MAP3K21: variants seen among roughly 807,000 people sequenced by gnomAD.
MAP3K21 encodes mitogen-activated protein kinase kinase kinase 21, also known as mitogen-activated protein kinase kinase kinase MLK4.
In MAP3K21, 63 loss-of-function variants were observed where a neutral mutation model predicts 86.1. The ratio of observed to expected loss-of-function variants is 0.73; its 90% confidence interval spans 0.60 to 0.90. MAP3K21 has a LOEUF of 0.90. MAP3K21 is among the 40% of genes least tolerant of loss of function. MAP3K21 has a pLI of 0.00. For missense variants in MAP3K21, 1,220 were observed against 1,367.7 expected, an observed-to-expected ratio of 0.89 and a Z score of 1.70; for synonymous variants, 558 against 564.8, an observed-to-expected ratio of 0.99 and a Z score of 0.17.
chr1:233,377,914 T>A (rs1191269777), intron 8 of MAP3K21, among the ~76,000 whole-genome samples: 1 of 152,148 alleles, frequency 6.6e-6, no homozygotes, highest in Admixed American at 6.6e-5. Flanking sequence ...TATGTGCAGT[T>A]CACAATGGGG....
intron 6 of MAP3K21, among the ~76,000 whole-genome samples, chr1:233,374,832 A>G (rs1175765661): frequency 6.6e-6 from 1 of 151,604 alleles, no homozygotes; most frequent in Admixed American, 6.6e-5. Context: ...GTCACAGAGT[A>G]TTCCATTGTA....
Position 233,327,961 on chromosome 1 carries a change from G to A in MAP3K21, c.-68G>A, listed in dbSNP as rs1662724169. 3.3e-6 allele frequency: 4 copies of A among 1,204,712 alleles called. No individual in the cohort carries two copies. The highest frequency in any genetic ancestry group is 3.1e-6 in the Non-Finnish European group (3 of 964,758). The allele number at this position is 1,204,712 out of a possible 1,614,324, so 74.6% of individuals were successfully genotyped here. ...GCCGACGGCCACACCGCCGGACGAT[G>A]CGCGCCCGCGGCCGCCCGGGAGGCT... is the stretch of plus-strand genomic sequence containing the variant. On this transcript the variant is annotated 5_prime_UTR_variant, in exon 1 of 10. An upstream start codon of the reference 5' UTR is lost. Coordinates refer to ENST00000366624, the MANE Select transcript of MAP3K21 (RefSeq NM_032435.3).
intron 1 of MAP3K21, among the ~76,000 whole-genome samples, chr1:233,329,478 A>T (rs1213769814): frequency 6.6e-6 from 1 of 152,052 alleles, no homozygotes; most frequent in Non-Finnish European, 1.5e-5. Context: ...ACATGGCGAA[A>T]CCCTGTCGCT....
intron 1 of MAP3K21, 103 bp from the exon 2 acceptor site, chr1:233,346,339 A>T (rs1044241480): frequency 2.3e-6 from 2 of 864,580 alleles, no homozygotes; most frequent in Admixed American, 5.3e-5. Flanking sequence ...ATTCTTGTTT[A>T]TTCTGCCAAC....
rs79579454 is a variant in MAP3K21 at position 233,343,188 on chromosome 1, T to C, written c.806-3254T>C. Among the ~76,000 whole-genome samples the C allele has an allele frequency of 2.2e-4, 33 of 152,310 alleles. No homozygotes were observed. The East Asian group carries it at 6.2e-3, about 28-fold the overall frequency. On this transcript the variant is annotated intron_variant, in intron 1 of 9. Transcript: ENST00000366624. ...GTAATACAATCAAAATGCACATCCATTGTGAAATCTCAAGCCTTGAAAAAG... is the reference window on the plus strand; with the variant it reads ...GTAATACAATCAAAATGCACATCCACTGTGAAATCTCAAGCCTTGAAAAAG...
intron 2 of MAP3K21, among the ~76,000 whole-genome samples, chr1:233,347,376 C>T (rs1233238931): frequency 6.6e-6 from 1 of 152,164 alleles, no homozygotes; most frequent in African/African-American, 2.4e-5. Context: ...GTTATTTTGA[C>T]TTTCCATTCA....
intron 6 of MAP3K21, chr1:233,373,000 G>T (rs1443903191): frequency 1.3e-5 from 2 of 151,968 alleles, no homozygotes; most frequent in Non-Finnish European, 2.9e-5. Flanking sequence ...GGCTTGCATG[G>T]AATCTCATTT....
intron 1 of MAP3K21, among the ~76,000 whole-genome samples, chr1:233,340,505 T>C (rs762188778): frequency 2.0e-4 from 31 of 151,922 alleles, no homozygotes; most frequent in South Asian, 2.1e-4. Context: ...TAGAATGAGA[T>C]TGAGAAGGGA....
chr1:233,366,182 G>T (rs1429511370), intron 5 of MAP3K21, among the ~76,000 whole-genome samples: 1 of 152,094 alleles, frequency 6.6e-6, no homozygotes, highest in African/African-American at 2.4e-5. Context: ...TGGTTATTGG[G>T]GTGGGAAGGG....
intron 1 of MAP3K21, among the ~76,000 whole-genome samples, chr1:233,339,342 C>T (rs1424557594): frequency 3.5e-5 from 4 of 113,366 alleles, no homozygotes; most frequent in Admixed American, 1.1e-4. Context: ...TCTTCTTCTC[C>T]CTCTTCTCCC....
chr1:233,362,157 C>T lies in MAP3K21; in HGVS notation c.1416C>T (p.Ile472=), dbSNP rs868206423. 2 of 1,614,170 alleles carry T rather than the reference C, an allele frequency of 1.2e-6. No homozygotes were observed. The highest frequency in any genetic ancestry group is 1.7e-6 in the Non-Finnish European group (2 of 1,180,036). Residue 472 remains isoleucine (I), a synonymous_variant, in exon 5 of 10, where the codon ATC becomes ATT. Coordinates refer to ENST00000366624, the MANE Select transcript of MAP3K21 (RefSeq NM_032435.3). ...RREQQLAERE[I]DVLERELNIL... ...AGCAGCAGCTGGCAGAGCGCGAGAT[C>T]GACGTGCTGGAGCGGGAACTTAACA...
chr1:233,338,447 G>A (rs530639701), intron 1 of MAP3K21, among the ~76,000 whole-genome samples: 1 of 152,180 alleles, frequency 6.6e-6, no homozygotes, highest in Admixed American at 6.5e-5. Context: ...TAAATAATGT[G>A]TAGTATCTTG....
chr1:233,370,686 G>A (rs529510608), intron 5 of MAP3K21, among the ~76,000 whole-genome samples: 4 of 152,244 alleles, frequency 2.6e-5, no homozygotes, highest in Non-Finnish European at 4.4e-5. Context: ...CTCATTAATC[G>A]TTGAGGAATC....
chr1:233,328,679 CGCCCCGGACCCGCGCGCGCCCG>C lies in MAP3K21; in HGVS notation c.657_678del (p.Asp220AlafsTer18). On this transcript the variant is annotated frameshift_variant, in exon 1 of 10. Coordinates refer to ENST00000366624, the MANE Select transcript of MAP3K21 (RefSeq NM_032435.3). LOFTEE classifies it high-confidence loss of function. The surrounding 1 kb of genome is among the most constrained non-coding windows in gnomAD (Gnocchi z 8.7). ...ACCGAGCGCTGGCCGCTGCCAACGC[CGCCCCGGACCCGCGCGCGCCCG>C]GCCCCCGCCGCGCGCGCCGCATCCC... 1 of 1,321,026 alleles carries C rather than the reference CGCCCCGGACCCGCGCGCGCCCG, an allele frequency of 7.6e-7. No individual in the cohort carries two copies. Among genetic ancestry groups the C allele is most frequent in the Non-Finnish European group, 9.6e-7 (1 of 1,037,718 alleles). The allele number at this position is 1,321,026 out of a possible 1,614,324, so 81.8% of individuals were successfully genotyped here.
At position 233,382,581 on chromosome 1, in the gene MAP3K21, C is replaced by A; in HGVS notation, c.2981C>A (p.Ser994Tyr). 6 of 1,614,194 alleles carry A rather than the reference C, an allele frequency of 3.7e-6. No homozygotes were observed. Among genetic ancestry groups the A allele is most frequent in the Non-Finnish European group, 5.1e-6 (6 of 1,180,024 alleles). The change falls in exon 10 of 10, where the codon TCC becomes TAC. Residue 994 changes from serine (S) to tyrosine (Y), a missense_variant. By Grantham distance (144) the Ser-to-Tyr change is moderately radical (BLOSUM62 -2). Coordinates refer to ENST00000366624, the MANE Select transcript of MAP3K21 (RefSeq NM_032435.3). ...CTCGCTGCCAAGGAGAGAACTAAAT[C>A]CCATGTGCCTTCATTACTGGATGCT... ...QFLAAKERTKSHVPSLLDADV... is the reference protein window; with the variant it reads ...QFLAAKERTKYHVPSLLDADV...
At chr1:233,354,350 T>C (rs1663306176) in intron 3 of MAP3K21, among the ~76,000 whole-genome samples, 10 of 152,230 alleles carry the variant, frequency 6.6e-5, no homozygotes. Flanking sequence ...GTCTATTTTA[T>C]CCTTATCTTT....
Position 233,379,059 on chromosome 1 carries a change from G to A in MAP3K21, c.2053G>A (p.Glu685Lys), listed in dbSNP as rs41314276. 2 of 1,614,244 alleles carry A rather than the reference G, an allele frequency of 1.2e-6. No individual in the cohort carries two copies. Among genetic ancestry groups the A allele is most frequent in the Non-Finnish European group, 1.7e-6 (2 of 1,180,046 alleles). The change falls in exon 9 of 10, where the codon GAA becomes AAA. Residue 685 changes from glutamate to lysine, a missense_variant. Around this residue, in one of 5 missense-constraint regions of MAP3K21, gnomAD observed 632 missense variants for 691.3 expected, o/e 0.91. Transcript: ENST00000366624. ...AGATGCTCAGAGAGAGAATCCTGCA[G>A]AAGCTGAAAGCTGGGAGGAGGCAGC... ...GKDAQRENPAEAESWEEAASA... is the reference protein window; with the variant it reads ...GKDAQRENPAKAESWEEAASA...
chr1:233,355,245 AG>A (rs1663331015), intron 4 of MAP3K21, among the ~76,000 whole-genome samples: 2 of 152,174 alleles, frequency 1.3e-5, no homozygotes, highest in African/African-American at 2.4e-5. Context: ...AAAAAGAGAG[AG>A]AGAGCAAATA....
At position 233,382,647 on chromosome 1, in the gene MAP3K21, G is replaced by A. The variant is rs757383271; in HGVS notation, c.3047G>A (p.Cys1016Tyr). Residue 1016 changes from cysteine (C) to tyrosine (Y), a missense_variant, in exon 10 of 10, where the codon TGC (cysteine) becomes TAC (tyrosine). Cys to Tyr is a radical substitution (Grantham distance 194). Around this residue, in one of 5 missense-constraint regions of MAP3K21, gnomAD observed 632 missense variants for 691.3 expected, o/e 0.91. Coordinates refer to ENST00000366624, the MANE Select transcript of MAP3K21 (RefSeq NM_032435.3). The stretch of plus-strand genomic sequence containing the variant: ...AGCAGGGACTACACTGTGCCACTGT[G>A]CAGAATGAGGAGCAAAACCAGCCGG... ...GQSRDYTVPL[C>Y]RMRSKTSRPS... 5 of 1,614,148 alleles carry A rather than the reference G, an allele frequency of 3.1e-6. No homozygotes were observed. The highest frequency in any genetic ancestry group is 4.2e-6 in the Non-Finnish European group (5 of 1,180,026).
Sources: allele counts gnomAD v4.1 joint callset (sites outside exome capture counted in the v4.1 genomes callset), GRCh38; gene constraint gnomAD v4.1.1; regional missense constraint gnomAD v4.1.1; non-coding constraint Gnocchi (gnomAD v3.1); transcripts MANE v1.5; gene names NCBI Gene and HGNC (gene_info 2026-07-23, HGNC 2026-07-21).